Variants in MYOM2 observed in about 807,000 individuals in gnomAD.
The protein encoded by MYOM2 is myomesin 2, also known as myomesin-2.
A neutral mutation model predicts 187.6 loss-of-function variants in MYOM2; 254 were observed. That is an observed-to-expected ratio of 1.35 (90% CI 1.22 to 1.50). The LOEUF (loss-of-function observed/expected upper bound fraction) is 1.50. Among genes scored for constraint, MYOM2 ranks in the 40% most tolerant of loss-of-function variants. The pLI, the probability that MYOM2 is intolerant of heterozygous loss-of-function variation, is 0.00. For missense variants in MYOM2, 2,796 were observed against 1,924.0 expected (o/e 1.45, Z -8.48); for synonymous variants, 981 against 753.8 (o/e 1.30, Z -4.94).
chr8:2,110,567 C>T (rs1036836395), intron 25 of MYOM2, among the ~76,000 whole-genome samples: 3 of 151,810 alleles, frequency 2.0e-5, no homozygotes, highest in African/African-American at 7.2e-5. Flanking sequence ...TGGCTTGGGG[C>T]TCTCTCAGAG....
chr8:2,113,192 C>T (rs540405737), intron 25 of MYOM2, among the ~76,000 whole-genome samples: 144 of 152,322 alleles, frequency 9.5e-4, no homozygotes, highest in African/African-American at 2.9e-3. Flanking sequence ...GGGCGAGTCC[C>T]GCGCTGGACA....
At chr8:2,127,089 G>A (rs1306873447) in intron 31 of MYOM2, among the ~76,000 whole-genome samples, 2 of 151,966 alleles carry the variant, frequency 1.3e-5, no homozygotes, top group Non-Finnish European at 2.9e-5. Flanking sequence ...TGCCTGGTTA[G>A]GGTGGTGTTG....
rs1286632036 is a variant in MYOM2 at position 2,102,769 on chromosome 8, G to A, written c.2722G>A (p.Glu908Lys). 1 of 1,613,480 alleles carries A rather than the reference G, an allele frequency of 6.2e-7. No homozygotes were observed. Among genetic ancestry groups the A allele is most frequent in the South Asian group, 1.1e-5 (1 of 91,050 alleles). The change falls in exon 21 of 37, where the codon GAG (glutamate) becomes AAG (lysine). Residue 908 changes from glutamate (E) to lysine (K), a missense_variant. Glu to Lys is a moderately conservative substitution (Grantham distance 56). Transcript: ENST00000262113. ...AGACACGTCGGAGCCTGTGCTGGTAGAGGCGAGACCAGGTAAGGCTTACAA... is the reference window on the plus strand; with the variant it reads ...AGACACGTCGGAGCCTGTGCTGGTAAAGGCGAGACCAGGTAAGGCTTACAA... ...PSDTSEPVLV[E>K]ARPGTKEISA...
At chr8:2,138,263 C>A (rs1266048723) in intron 32 of MYOM2, among the ~76,000 whole-genome samples, 3 of 152,204 alleles carry the variant, frequency 2.0e-5, no homozygotes, top group African/African-American at 7.2e-5. Flanking sequence ...CCGGCCGGCT[C>A]TGGCTGCTGA....
intron 3 of MYOM2, among the ~76,000 whole-genome samples, chr8:2,053,023 G>C (rs77698395): frequency 0.014 from 2,116 of 152,326 alleles, 59 homozygotes; most frequent in African/African-American, 0.047. Context: ...TAAGGACAAA[G>C]TGAACAGTTA....
At chr8:2,137,118 G>C (rs79579426) in intron 32 of MYOM2, among the ~76,000 whole-genome samples, 1 of 150,964 alleles carries the variant, frequency 6.6e-6, no homozygotes, top group African/African-American at 2.4e-5. Flanking sequence ...GAACATCTTC[G>C]TCTATACATC....
chr8:2,140,799 C>A lies in MYOM2; in HGVS notation c.3877C>A (p.Pro1293Thr). ...GATGGCTTGGCTGCAGATATGTGAGCCGACTGAGAAGGATAAAGGAAAATA... is the reference window on the plus strand; with the variant it reads ...GATGGCTTGGCTGCAGATATGTGAGACGACTGAGAAGGATAAAGGAAAATA... ...EEMAWLQICEPTEKDKGKYTF... is the reference protein window; with the variant it reads ...EEMAWLQICETTEKDKGKYTF... The change falls in exon 33 of 37, where the codon CCG (proline) becomes ACG (threonine). Residue 1293 changes from proline to threonine, a missense_variant. Coordinates refer to ENST00000262113, the MANE Select transcript of MYOM2 (RefSeq NM_003970.4). 6.2e-7 allele frequency: 1 copy of A among 1,613,990 alleles called. No homozygotes were observed. Among genetic ancestry groups the A allele is most frequent in the Non-Finnish European group, 8.5e-7 (1 of 1,179,958 alleles).
At chr8:2,069,178 C>T (rs1196241607) in intron 6 of MYOM2, 100 bp from the exon 7 acceptor site, 15 of 1,133,900 alleles carry the variant, frequency 1.3e-5, no homozygotes, top group East Asian at 1.0e-4. Context: ...AAATAAACCA[C>T]GCCATGTGAT....
intron 32 of MYOM2, among the ~76,000 whole-genome samples, chr8:2,129,587 G>A (rs535284696): frequency 2.0e-5 from 3 of 152,150 alleles, no homozygotes; most frequent in South Asian, 4.1e-4. Context: ...CAAATTTCCA[G>A]TCAGTTGGTT....
chr8:2,099,895 G>A (rs148378076), intron 19 of MYOM2, among the ~76,000 whole-genome samples: 45 of 152,352 alleles, frequency 3.0e-4, no homozygotes, highest in African/African-American at 1.1e-3. Flanking sequence ...TATGGCCAGA[G>A]TATACTGCCT....
intron 6 of MYOM2, among the ~76,000 whole-genome samples, chr8:2,064,032 G>T (rs907824772): frequency 2.0e-5 from 3 of 152,350 alleles, no homozygotes; most frequent in Admixed American, 2.0e-4. Flanking sequence ...AGGGGAGGAA[G>T]ACGGGGGTCC....
At chr8:2,100,084 CTTT>C (rs1796639303) in intron 19 of MYOM2, among the ~76,000 whole-genome samples, 1 of 29,938 alleles carries the variant, frequency 3.3e-5, no homozygotes, top group Non-Finnish European at 8.1e-5. Flanking sequence ...TTCCTTTCTT[CTTT>C]CCTTCCTTCC....
At chr8:2,084,674 T>A (rs888193329) in intron 13 of MYOM2, among the ~76,000 whole-genome samples, 1 of 152,194 alleles carries the variant, frequency 6.6e-6, no homozygotes, top group Non-Finnish European at 1.5e-5. Flanking sequence ...ATAAGTTATT[T>A]GCAAAAGGCT....
chr8:2,078,871 G>A lies in MYOM2; in HGVS notation c.1400G>A (p.Arg467Gln), dbSNP rs147289605. 4 of 1,614,042 alleles carry A rather than the reference G, an allele frequency of 2.5e-6. No homozygotes were observed. Among genetic ancestry groups the A allele is most frequent in the Non-Finnish European group, 3.4e-6 (4 of 1,179,924 alleles). ...GCAGTGAACAGTGCGGGCATCAGCC[G>A]ACCCTCCAGGGTCTCTGATGCGGTG... ...VRAVNSAGIS[R>Q]PSRVSDAVAA... The change falls in exon 12 of 37, where the codon CGA becomes CAA. Residue 467 changes from arginine (R) to glutamine (Q), a missense_variant. By Grantham distance (43) the Arg-to-Gln change is conservative. Coordinates refer to ENST00000262113, the MANE Select transcript of MYOM2 (RefSeq NM_003970.4).
chr8:2,117,440 G>A (rs992276008), intron 27 of MYOM2, among the ~76,000 whole-genome samples: 19 of 152,116 alleles, frequency 1.2e-4, no homozygotes, highest in African/African-American at 4.3e-4. Flanking sequence ...TTACAAAATT[G>A]CTAGGTCAAA....
intron 25 of MYOM2, 75 bp downstream of exon 25, chr8:2,109,606 C>G: frequency 6.9e-7 from 1 of 1,451,722 alleles, no homozygotes; most frequent in Non-Finnish European, 9.3e-7. Context: ...TACTGAATAT[C>G]AACATTCTCT....
chr8:2,145,351 G>A lies in MYOM2; in HGVS notation c.*370G>A, dbSNP rs527561633. The stretch of plus-strand genomic sequence containing the variant: ...CCACCGTGCTTCTCTTTGGGGGGCC[G>A]CGAGATCTAGCATCTCTGAAATCCT... On this transcript the variant is annotated 3_prime_UTR_variant, in exon 37 of 37. Coordinates refer to ENST00000262113, the MANE Select transcript of MYOM2 (RefSeq NM_003970.4). 23 of 302,554 alleles carry A rather than the reference G, an allele frequency of 7.6e-5. No individual in the cohort carries two copies. In the East Asian group the frequency reaches 1.1e-3, roughly 14 times the overall value. 18.7% of individuals were successfully genotyped at this position (302,554 alleles called of 1,614,324 possible). A position where few individuals can be genotyped will look rare whatever the true frequency, so the allele number is the denominator to read the frequency against.
intron 3 of MYOM2, among the ~76,000 whole-genome samples, chr8:2,054,030 A>G (rs1246794885): frequency 6.6e-6 from 1 of 152,186 alleles, no homozygotes; most frequent in Non-Finnish European, 1.5e-5. Context: ...AGGAGGGATG[A>G]GTGAGCCCCG....
chr8:2,132,083 T>C (rs1162060971), intron 32 of MYOM2, among the ~76,000 whole-genome samples: 1 of 152,226 alleles, frequency 6.6e-6, no homozygotes, highest in East Asian at 1.9e-4. Flanking sequence ...AATGCGTTCT[T>C]ATTAGATAGC....
Sources: gnomAD v4.1 joint callset for allele counts (sites outside exome capture counted in the v4.1 genomes callset) on GRCh38, gnomAD v4.1.1 for gene constraint, MANE v1.5 for transcripts, NCBI Gene and HGNC (gene_info 2026-07-23, HGNC 2026-07-21) for gene names.